Variants in BDP1 observed in about 807,000 individuals in gnomAD.
BDP1 encodes the protein transcription factor TFIIIB component B'' homolog.
In BDP1, 169 loss-of-function variants were observed where a neutral mutation model predicts 266.6. The ratio of observed to expected loss-of-function variants is 0.63; its 90% CI spans 0.56 to 0.72. The LOEUF is 0.72. BDP1 is among the 30% of genes least tolerant of loss of function. The pLI, the probability that BDP1 is intolerant of heterozygous loss-of-function variation, is 0.00. For synonymous variants in BDP1, 1,090 were observed against 1,022.4 expected, an observed-to-expected ratio of 1.07 and a Z score of -1.26; for missense variants, 3,015 against 3,053.8, an observed-to-expected ratio of 0.99 and a Z score of 0.30.
intron 11 of BDP1, among the ~76,000 whole-genome samples, chr5:71,491,441 T>C (rs1010254033): frequency 2.6e-5 from 4 of 152,182 alleles, no homozygotes; most frequent in African/African-American, 9.6e-5. Context: ...AATGATTTTC[T>C]CTATTTTTGG....
At chr5:71,482,530 A>C (rs532639724) in intron 7 of BDP1, among the ~76,000 whole-genome samples, 1 of 152,294 alleles carries the variant, frequency 6.6e-6, no homozygotes, top group South Asian at 2.1e-4. Context: ...AAATTATGGG[A>C]TTTATTTTGT....
At chr5:71,538,492 A>C (rs1766772955) in intron 26 of BDP1, among the ~76,000 whole-genome samples, 1 of 152,112 alleles carries the variant, frequency 6.6e-6, no homozygotes, top group African/African-American at 2.4e-5. Context: ...ATATTTCTTC[A>C]TTTGCTTTTT....
Position 71,544,393 on chromosome 5 carries a change from A to G in BDP1, c.6449A>G (p.Glu2150Gly). Reference sequence around the variant, plus strand: ...AATGCTTCCAAAGCAACAGAATTGGAAAATAAAAACCTCGGACCAGTTACA... The same window carrying G: ...AATGCTTCCAAAGCAACAGAATTGGGAAATAAAAACCTCGGACCAGTTACA... The part of the protein sequence containing the change: ...EKNASKATEL[E>G]NKNLGPVTTA... Residue 2150 changes from glutamate (E) to glycine (G), a missense_variant, in exon 31 of 39, where the codon GAA becomes GGA. Glu to Gly is a moderately conservative substitution (Grantham distance 98). Coordinates refer to ENST00000358731, the MANE Select transcript of BDP1 (RefSeq NM_018429.3). 1.2e-6 allele frequency: 2 copies of G among 1,612,766 alleles called. No individual in the cohort carries two copies. The highest frequency in any genetic ancestry group is 3.3e-5 in the Admixed American group (2 of 59,708).
In BDP1 at chr5:71,542,280, C is replaced by G; in HGVS notation, c.6412+15C>G. 6.3e-7 allele frequency: 1 copy of G among 1,577,488 alleles called. No homozygotes were observed. Among genetic ancestry groups the G allele is most frequent in the Non-Finnish European group, 8.6e-7 (1 of 1,164,746 alleles). On this transcript the variant is annotated intron_variant, in intron 30 of 38. Coordinates refer to ENST00000358731, the MANE Select transcript of BDP1 (RefSeq NM_018429.3). ...AACTCAAAGAGGTAAATTTTATTCT[C>G]TTAATATGTTGCAAAATCATTTTGA... is the stretch of plus-strand genomic sequence containing the variant.
chr5:71,518,632 T>G (rs1248882144), intron 22 of BDP1, among the ~76,000 whole-genome samples: 1 of 151,990 alleles, frequency 6.6e-6, no homozygotes, highest in Non-Finnish European at 1.5e-5. Flanking sequence ...TTTGTATCTT[T>G]TTGTAGAGAT....
downstream of BDP1, among the ~76,000 whole-genome samples, chr5:71,568,256 CTGTT>C (rs1466498998): frequency 5.9e-5 from 9 of 152,216 alleles, no homozygotes; most frequent in African/African-American, 1.7e-4. Flanking sequence ...CACAGCATCT[CTGTT>C]TGCTGCAGCA....
intron 4 of BDP1, among the ~76,000 whole-genome samples, chr5:71,465,822 AG>A (rs1261541604): frequency 6.6e-6 from 1 of 152,180 alleles, no homozygotes; most frequent in Non-Finnish European, 1.5e-5. Context: ...CGGAGGTTGC[AG>A]TAAGTCGAGA....
Position 71,510,640 on chromosome 5 carries a change from G to A in BDP1, c.3548G>A (p.Arg1183Lys). Residue 1183 changes from arginine to lysine, a missense_variant, in exon 17 of 39, where the codon AGG becomes AAG. Physicochemically the swap from Arg to Lys is conservative, Grantham distance 26. Coordinates refer to ENST00000358731, the MANE Select transcript of BDP1 (RefSeq NM_018429.3). Reference protein sequence around the residue: ...LKTTGREGSSREKTREVIDAA... With the variant: ...LKTTGREGSSKEKTREVIDAA... ...ACAACTGGAAGAGAGGGTTCCTCAA[G>A]GGAGAAGACACGAGAGGTGATTGAT... 6.3e-7 allele frequency: 1 copy of A among 1,586,480 alleles called. No individual in the cohort carries two copies. The highest frequency in any genetic ancestry group is 1.7e-5 in the Admixed American group (1 of 58,680).
chr5:71,546,493 CTGTAATCCCAGCT>C (rs1208584533), intron 32 of BDP1, among the ~76,000 whole-genome samples: 1 of 151,750 alleles, frequency 6.6e-6, no homozygotes, highest in African/African-American at 2.4e-5. Flanking sequence ...TGGCATGCAC[CTGTAATCCCAGCT>C]ACTTGGGAGG....
At position 71,543,583 on chromosome 5, in the gene BDP1, A is replaced by G. The variant is rs180729275; in HGVS notation, c.6413-774A>G. Among the ~76,000 whole-genome samples, 920 of 152,334 alleles carry G rather than the reference A, an allele frequency of 6.0e-3. 6 individuals are homozygous for G. The highest frequency in any genetic ancestry group is 0.024 in the Middle Eastern group (7 of 294). ...GGTGACAGAGCAAGACCCTGTCTCA[A>G]AGAAAAATAAAAGGAAGAAAATTAT... On this transcript the variant is annotated intron_variant, in intron 30 of 38. Coordinates refer to ENST00000358731, the MANE Select transcript of BDP1 (RefSeq NM_018429.3).
At position 71,462,314 on chromosome 5, in the gene BDP1, T is replaced by C. The variant is rs569447203; in HGVS notation, c.599+388T>C. ...AGTTATATAAATAGCACTTTTATAGTAAATTTTTTAGTTTTCCAAAAACAT... is the reference window on the plus strand; with the variant it reads ...AGTTATATAAATAGCACTTTTATAGCAAATTTTTTAGTTTTCCAAAAACAT... On this transcript the variant is annotated intron_variant, in intron 3 of 38. Transcript: ENST00000358731. 2.6e-5 allele frequency among the ~76,000 whole-genome samples: 4 copies of C among 152,344 alleles called. No homozygotes were observed. The South Asian group carries it at 8.3e-4, about 32-fold the overall frequency.
chr5:71,564,356 CTTTA>C (rs1056349237), intron 38 of BDP1, among the ~76,000 whole-genome samples: 12 of 110,556 alleles, frequency 1.1e-4, no homozygotes, highest in African/African-American at 3.7e-4. Flanking sequence ...AGTATTTTTA[CTTTA>C]TTTAGTGACA....
At chr5:71,537,976 T>G (rs943144518) in intron 26 of BDP1, 1 of 152,248 alleles carries the variant, frequency 6.6e-6, no homozygotes, top group African/African-American at 2.4e-5. Flanking sequence ...TTACCATGGA[T>G]TTTTCATAAA....
rs70992971 is a variant in BDP1 at position 71,506,786 on chromosome 5, AACACACAC to A, written c.2372+2066_2372+2073del. ...TATATATATATATATATATATTTGA[AACACACAC>A]ACACACACACACACACACACACACA... On this transcript the variant is annotated intron_variant, in intron 16 of 38. Transcript: ENST00000358731. Among the ~76,000 whole-genome samples the A allele has an allele frequency of 1.5e-3, 98 of 64,428 alleles. No individual in the cohort carries two copies. In the South Asian group the frequency reaches 0.02, roughly 13 times the overall value. The allele number at this position is 64,428 out of a possible 152,430, so 42.3% of individuals were successfully genotyped here. A position where few individuals can be genotyped will look rare whatever the true frequency, so the allele number is the denominator to read the frequency against.
chr5:71,539,641 A>T lies in BDP1; in HGVS notation c.6014A>T (p.Gln2005Leu). The T allele has an allele frequency of 6.2e-7, 1 of 1,604,988 alleles. No homozygotes were observed. Among genetic ancestry groups the T allele is most frequent in the Admixed American group, 1.7e-5 (1 of 59,398 alleles). Residue 2005 changes from glutamine to leucine, a missense_variant, in exon 28 of 39, where the codon CAG becomes CTG. By Grantham distance (113) the Gln-to-Leu change is moderately radical. Around this residue, in one of 3 missense-constraint regions of BDP1, gnomAD observed 2,383 missense variants for 2,404.9 expected, o/e 0.99. Transcript: ENST00000358731. ...TTGCAGTCAGAGATCAGTAGTGAAC[A>T]GGGTGATGGTAAGAATGAAAGCTAA... ...LVLQSEISSE[Q>L]GDVGVCIIPH...
the BDP1 span, among the ~76,000 whole-genome samples, chr5:71,574,674 T>C: frequency 6.6e-6 from 1 of 152,342 alleles, no homozygotes; most frequent in African/African-American, 2.4e-5. Flanking sequence ...TGACTCTGAT[T>C]ATGAAGGAGA....
chr5:71,559,907 C>G, intron 36 of BDP1, 75 bp from the exon 37 acceptor site: 1 of 1,482,814 alleles, frequency 6.7e-7, no homozygotes, highest in African/African-American at 1.4e-5. Context: ...CCATGGGTTT[C>G]TTTTCAAATG....
chr5:71,477,850 G>A (rs1762688499), intron 7 of BDP1, among the ~76,000 whole-genome samples: 1 of 151,950 alleles, frequency 6.6e-6, no homozygotes, highest in Non-Finnish European at 1.5e-5. Flanking sequence ...AAACTCCTGG[G>A]CTCAAGCAAT....
intron 4 of BDP1, among the ~76,000 whole-genome samples, chr5:71,464,989 T>A (rs1008802515): frequency 4.0e-5 from 6 of 151,840 alleles, no homozygotes; most frequent in African/African-American, 1.5e-4. Context: ...AGTGCTGGGA[T>A]TACAGGTGTA....
Sources: gnomAD v4.1 joint callset for allele counts (sites outside exome capture counted in the v4.1 genomes callset) on GRCh38, gnomAD v4.1.1 for gene constraint, gnomAD v4.1.1 regional missense constraint, MANE v1.5 for transcripts, NCBI Gene and HGNC (gene_info 2026-07-23, HGNC 2026-07-21) for gene names.